The following ATP11C variants were observed in gnomAD, a reference collection of about 807,000 sequenced individuals.
ATP11C encodes phospholipid-transporting ATPase IG.
Under a neutral mutation model 97.4 loss-of-function variants are expected in ATP11C, and 36 were observed. That is an observed-to-expected ratio of 0.37 (90% CI 0.28 to 0.49). The LOEUF is 0.49. Among genes scored for constraint, ATP11C ranks in the 20% least tolerant of loss-of-function variants. ATP11C has a pLI of 0.98. For synonymous variants in ATP11C, 275 were observed against 290.9 expected, an observed-to-expected ratio of 0.95 and a Z score of 0.56; for missense variants, 730 against 824.6, an observed-to-expected ratio of 0.89 and a Z score of 1.40.
At chrX:139,771,775 T>C (rs1458191540) in intron 19 of ATP11C, among the ~76,000 whole-genome samples, 2 of 111,366 alleles carry the variant, frequency 1.8e-5, no homozygotes, top group Non-Finnish European at 3.8e-5. Context: ...GCAGAAGAAA[T>C]TTCTAAGGAG....
rs778556304 is a variant in ATP11C, at chrX:139,784,448, T to C, written c.1666+778A>G. Among the ~76,000 whole-genome samples the C allele has an allele frequency of 3.6e-5, 4 of 111,652 alleles. No individual in the cohort carries two copies. In the South Asian group the frequency reaches 1.5e-3, roughly 42 times the overall value. ...ATCCTCCCATTCTGACATTAAGGAA[T>C]TTAGAAAATTTAATAGTAAAACGTA... On this transcript the variant is annotated intron_variant, in intron 16 of 29. Coordinates refer to ENST00000682941, the MANE Select transcript of ATP11C (RefSeq NM_001353812.2).
At chrX:139,888,197 G>A (rs914691375) in intron 1 of ATP11C, among the ~76,000 whole-genome samples, 1 of 105,984 alleles carries the variant, frequency 9.4e-6, no homozygotes, top group Non-Finnish European at 1.9e-5. Context: ...GCAACAGTGC[G>A]ATCTCAGCTC....
rs1199229968 is a variant in ATP11C, at chrX:139,932,131, C to G, written c.-89G>C. On this transcript the variant is annotated 5_prime_UTR_variant, in exon 1 of 30. Transcript: ENST00000682941. The stretch of plus-strand genomic sequence containing the variant: ...CAAAACACACTGCGGCGTGGGCCGG[C>G]GGCGCCAAGCGGAGCAGCGAGGCGG... 2.2e-6 allele frequency: 2 copies of G among 910,764 alleles called. No homozygotes were observed. Among genetic ancestry groups the G allele is most frequent in the Non-Finnish European group, 2.8e-6 (2 of 711,621 alleles). 75.1% of individuals were successfully genotyped at this position (910,764 alleles called of 1,213,427 possible).
At position 139,826,637 on chromosome X, in the gene ATP11C, A is replaced by T. The variant is rs772412590; in HGVS notation, c.147+67T>A. On this transcript the variant is annotated intron_variant, in intron 2 of 29. Transcript: ENST00000682941. The stretch of plus-strand genomic sequence containing the variant: ...ACATAAATGCATCAGTTTCCTCAGA[A>T]GCACAAATTAGAATGCATTATCTGA... 271 of 1,009,073 alleles carry T rather than the reference A, an allele frequency of 2.7e-4. 1 individual carries two copies. The South Asian group carries it at 5.7e-3, about 21-fold the overall frequency. 83.2% of individuals were successfully genotyped at this position (1,009,073 alleles called of 1,213,427 possible).
intron 15 of ATP11C, among the ~76,000 whole-genome samples, chrX:139,785,744 A>G (rs2082558713): frequency 9.0e-6 from 1 of 111,696 alleles, no homozygotes. Context: ...ACAGAGCATA[A>G]TGAGATAACT....
chrX:139,752,147 T>C (rs1457244261), intron 23 of ATP11C, among the ~76,000 whole-genome samples: 1 of 111,593 alleles, frequency 9.0e-6, no homozygotes, highest in African/African-American at 3.3e-5. Context: ...TCTGCCCAAA[T>C]GTCACCTCAT....
At chrX:139,820,716 ACT>A (rs2083390989) in intron 2 of ATP11C, among the ~76,000 whole-genome samples, 1 of 110,658 alleles carries the variant, frequency 9.0e-6, no homozygotes, top group Non-Finnish European at 1.9e-5. Flanking sequence ...CAACTGCAGA[ACT>A]CTTAGGCCAA....
At chrX:139,733,207 A>C (rs2081381241) in intron 28 of ATP11C, among the ~76,000 whole-genome samples, 1 of 111,681 alleles carries the variant, frequency 9.0e-6, no homozygotes, top group Admixed American at 9.5e-5. Context: ...TTTCCCCTTA[A>C]AACACCCAGA....
At chrX:139,901,760 T>C (rs2084903292) in intron 1 of ATP11C, among the ~76,000 whole-genome samples, 1 of 111,822 alleles carries the variant, frequency 8.9e-6, no homozygotes, top group Non-Finnish European at 1.9e-5. Flanking sequence ...AAGATATCCT[T>C]AGTGTAACAG....
In ATP11C at chrX:139,798,288, C is replaced by T; in HGVS notation, c.842G>A (p.Arg281His). The T allele has an allele frequency of 1.7e-6, 2 of 1,205,869 alleles. No homozygotes were observed. Among genetic ancestry groups the T allele is most frequent in the Non-Finnish European group, 2.2e-6 (2 of 893,020 alleles). ...GCATACTAACTTTTCAACAGCAGAA[C>T]GTTTCTGAGATTTCCCTTGGTAGTT... is the stretch of plus-strand genomic sequence containing the variant. The part of the protein sequence containing the change: ...ALNYQGKSQK[R>H]SAVEKSINAF... The change falls in exon 10 of 30, where the codon CGT (arginine) becomes CAT (histidine). Residue 281 changes from arginine to histidine, a missense_variant. Transcript: ENST00000682941.
chrX:139,895,699 T>C (rs931669622), intron 1 of ATP11C, among the ~76,000 whole-genome samples: 3 of 112,227 alleles, frequency 2.7e-5, no homozygotes, highest in Non-Finnish European at 5.6e-5. Flanking sequence ...ATTATAGGCA[T>C]GCACCACCAT....
At chrX:139,852,891 A>G (rs2084021364) in intron 1 of ATP11C, among the ~76,000 whole-genome samples, 1 of 111,436 alleles carries the variant, frequency 9.0e-6, no homozygotes, top group African/African-American at 3.3e-5. Flanking sequence ...TCCCAGGACA[A>G]GCAAGGCAAA....
intron 1 of ATP11C, among the ~76,000 whole-genome samples, chrX:139,888,493 A>G (rs1342885209): frequency 9.0e-6 from 1 of 111,476 alleles, no homozygotes; most frequent in Non-Finnish European, 1.9e-5. Context: ...CTTGTTCAAA[A>G]TCATTAGTCA....
intron 1 of ATP11C, among the ~76,000 whole-genome samples, chrX:139,895,850 T>C (rs189125183): frequency 0.03 from 3,358 of 111,089 alleles, 59 homozygotes; most frequent in Middle Eastern, 0.051. Context: ...CTTATCTCTT[T>C]TTTTTGCTGG....
At chrX:139,927,382 G>A (rs1337004458) in intron 1 of ATP11C, among the ~76,000 whole-genome samples, 3 of 111,539 alleles carry the variant, frequency 2.7e-5, no homozygotes, top group African/African-American at 6.5e-5. Flanking sequence ...TAGGGAAATC[G>A]CCTGAGGTCA....
chrX:139,743,409 T>C (rs191277705), intron 26 of ATP11C, 150 bp downstream of exon 26: 59 of 368,282 alleles, frequency 1.6e-4, no homozygotes, highest in African/African-American at 1.4e-3. Flanking sequence ...ATCCCTAGTA[T>C]CATACACATT....
chrX:139,923,295 T>C (rs1214877829), intron 1 of ATP11C, among the ~76,000 whole-genome samples: 1 of 111,623 alleles, frequency 9.0e-6, no homozygotes, highest in Non-Finnish European at 1.9e-5. Context: ...GGCTACTTCC[T>C]CCATAAAGCT....
chrX:139,915,774 G>A (rs952749862), intron 1 of ATP11C, among the ~76,000 whole-genome samples: 17 of 112,108 alleles, frequency 1.5e-4, no homozygotes, highest in African/African-American at 4.5e-4. Context: ...TTAGGAGTAC[G>A]TTAAGTACTT....
Position 139,785,219 on chromosome X carries a change from C to T in ATP11C, c.1666+7G>A, listed in dbSNP as rs192443361. ...AAGAGAAAAATTCAAGCTTTTCAGA[C>T]ATGTACCTTCTTGAGTCTTCACAAT... On this transcript the variant is annotated splice_region_variant and intron_variant, in intron 16 of 29. Transcript: ENST00000682941. 14 of 1,191,378 alleles carry T rather than the reference C, an allele frequency of 1.2e-5. No homozygotes were observed. The African/African-American group carries it at 2.3e-4, about 20-fold the overall frequency.
Sources: allele counts gnomAD v4.1 joint callset (sites outside exome capture counted in the v4.1 genomes callset), GRCh38; gene constraint gnomAD v4.1.1; transcripts MANE v1.5; gene names NCBI Gene and HGNC (gene_info 2026-07-23, HGNC 2026-07-21).